Variants in RTL4 observed in about 807,000 individuals in gnomAD.
RTL4 encodes the protein retrotransposon Gag like 4.
A neutral mutation model predicts 5.3 loss-of-function variants in RTL4; 4 were observed. The ratio of observed to expected loss-of-function variants is 0.75; its 90% CI spans 0.37 to 1.72. RTL4 has a LOEUF of 1.72. Among genes scored for constraint, RTL4 ranks in the 40% most tolerant of loss-of-function variants. RTL4 has a pLI of 0.04. For missense variants in RTL4, 260 were observed against 227.1 expected (o/e 1.14, Z -0.93); for synonymous variants, 98 against 87.3 (o/e 1.12, Z -0.68).
At chrX:112,376,591 T>C in the RTL4 span, among the ~76,000 whole-genome samples, 1 of 112,444 alleles carries the variant, frequency 8.9e-6, no homozygotes, top group African/African-American at 3.2e-5. Flanking sequence ...CTAGTCACTA[T>C]CATGTCCTCA....
At chrX:112,297,514 A>C in the RTL4 span, among the ~76,000 whole-genome samples, 1 of 111,211 alleles carries the variant, frequency 9.0e-6, no homozygotes. Flanking sequence ...ACGAGACGGC[A>C]CTAGGGGAAT....
At chrX:112,359,581 GA>G in the RTL4 span, among the ~76,000 whole-genome samples, 1,017 of 111,451 alleles carry the variant, frequency 9.1e-3, 16 homozygotes, top group African/African-American at 0.032. Context: ...TTGCAATTAG[GA>G]AGTAGGTAAC....
At chrX:112,200,117 G>T in the RTL4 span, among the ~76,000 whole-genome samples, 2 of 112,068 alleles carry the variant, frequency 1.8e-5, no homozygotes, top group Non-Finnish European at 3.8e-5. Flanking sequence ...GAGTAAGTTT[G>T]TTGTTTAAGA....
At chrX:112,205,627 G>A in the RTL4 span, among the ~76,000 whole-genome samples, 11 of 109,377 alleles carry the variant, frequency 1.0e-4, no homozygotes, top group East Asian at 2.9e-4. Flanking sequence ...ACACACACAC[G>A]CACACACACA....
the RTL4 span, among the ~76,000 whole-genome samples, chrX:112,249,092 G>A: frequency 8.9e-6 from 1 of 112,063 alleles, no homozygotes; most frequent in African/African-American, 3.2e-5. Flanking sequence ...ATAAAGATGG[G>A]TATTCAATAG....
At chrX:112,335,485 T>C in the RTL4 span, among the ~76,000 whole-genome samples, 1 of 111,879 alleles carries the variant, frequency 8.9e-6, no homozygotes, top group Non-Finnish European at 1.9e-5. Context: ...GTTTTGCTTT[T>C]ACTTTTTGAA....
chrX:112,223,186 G>A, the RTL4 span, among the ~76,000 whole-genome samples: 1 of 111,374 alleles, frequency 9.0e-6, no homozygotes, highest in Non-Finnish European at 1.9e-5. Context: ...GTAAAGGAGG[G>A]CAACTGGAAT....
At chrX:112,424,667 C>A in the RTL4 span, among the ~76,000 whole-genome samples, 2 of 111,122 alleles carry the variant, frequency 1.8e-5, no homozygotes, top group Non-Finnish European at 3.8e-5. Context: ...TTTCGATTGC[C>A]TGGATTTTCT....
At chrX:112,336,509 A>T in the RTL4 span, among the ~76,000 whole-genome samples, 2 of 111,988 alleles carry the variant, frequency 1.8e-5, no homozygotes, top group African/African-American at 6.5e-5. Context: ...TCATTTTATC[A>T]CTACAACCAC....
At chrX:112,169,042 T>TTCTTTCTTTCTG in the RTL4 span, among the ~76,000 whole-genome samples, 5 of 32,622 alleles carry the variant, frequency 1.5e-4, no homozygotes, top group African/African-American at 4.4e-4. Context: ...CTTTCTTTCT[T>TTCTTTCTTTCTG]TCTTTCTTTC....
At chrX:112,439,020 A>G in the RTL4 span, among the ~76,000 whole-genome samples, 1 of 111,866 alleles carries the variant, frequency 8.9e-6, no homozygotes, top group Non-Finnish European at 1.9e-5. Flanking sequence ...CAATGTCTTT[A>G]TGTAGTCCAG....
At chrX:112,148,347 C>T in the RTL4 span, among the ~76,000 whole-genome samples, 4 of 101,603 alleles carry the variant, frequency 3.9e-5, no homozygotes, top group Non-Finnish European at 7.7e-5. Flanking sequence ...AAAAAAAAAT[C>T]TGGGTTTGAT....
the RTL4 span, among the ~76,000 whole-genome samples, chrX:112,308,450 C>A: frequency 6.3e-5 from 7 of 111,504 alleles, no homozygotes; most frequent in Admixed American, 2.9e-4. Context: ...AGGGCCCTAT[C>A]TTTGTGTTAG....
the RTL4 span, among the ~76,000 whole-genome samples, chrX:112,224,505 C>T: frequency 9.2e-6 from 1 of 109,007 alleles, no homozygotes; most frequent in Non-Finnish European, 1.9e-5. Context: ...CCATGCCTGG[C>T]TAATTTTTGT....
At chrX:112,435,925 T>C in the RTL4 span, among the ~76,000 whole-genome samples, 1 of 112,024 alleles carries the variant, frequency 8.9e-6, no homozygotes, top group Non-Finnish European at 1.9e-5. Flanking sequence ...TGATTCTAAA[T>C]GCCATACTAG....
the RTL4 span, among the ~76,000 whole-genome samples, chrX:112,266,313 A>G: frequency 2.7e-5 from 3 of 111,767 alleles, no homozygotes; most frequent in African/African-American, 6.5e-5. Flanking sequence ...TTTGGTTTAA[A>G]CAAATACCGG....
the RTL4 span, among the ~76,000 whole-genome samples, chrX:112,169,142 C>T: frequency 3.0e-5 from 3 of 99,265 alleles, no homozygotes; most frequent in East Asian, 6.3e-4. Flanking sequence ...GACAATGTTT[C>T]GCTCTTGTTG....
chrX:112,294,463 G>T, the RTL4 span, among the ~76,000 whole-genome samples: 1 of 110,983 alleles, frequency 9.0e-6, no homozygotes, highest in Non-Finnish European at 1.9e-5. Flanking sequence ...GCCAGGTATG[G>T]TGGCACATGC....
chrX:112,224,956 T>C, the RTL4 span, among the ~76,000 whole-genome samples: 1 of 112,372 alleles, frequency 8.9e-6, no homozygotes, highest in Non-Finnish European at 1.9e-5. Context: ...GTGCTTCCTA[T>C]GTGCCAGGTA....
Sources: allele counts gnomAD v4.1 joint callset (sites outside exome capture counted in the v4.1 genomes callset), GRCh38; gene constraint gnomAD v4.1.1; transcripts MANE v1.5; gene names NCBI Gene and HGNC (gene_info 2026-07-23, HGNC 2026-07-21).